Variants in PLEKHS1 observed in about 807,000 individuals in gnomAD.
The protein encoded by PLEKHS1 is pleckstrin homology domain containing S1.
Under a neutral mutation model 51.0 loss-of-function variants are expected in PLEKHS1, and 55 were observed. That is an observed-to-expected ratio of 1.08 (90% CI 0.87 to 1.35). PLEKHS1 has a LOEUF of 1.35. Ranked by LOEUF, PLEKHS1 falls within the 40% of genes most tolerant of loss-of-function variation. The probability of loss-of-function intolerance (pLI) is 0.00; values close to 1 mark genes in which losing one functional copy is unlikely to be tolerated. For missense variants in PLEKHS1, 398 were observed against 423.0 expected (o/e 0.94, Z 0.52); for synonymous variants, 153 against 144.8 (o/e 1.06, Z -0.41).
intron 2 of PLEKHS1, among the ~76,000 whole-genome samples, chr10:113,760,319 A>G (rs1843861835): frequency 6.6e-6 from 1 of 152,198 alleles, no homozygotes; most frequent in Non-Finnish European, 1.5e-5. Context: ...GCTGCTATCA[A>G]CATTCATGAC....
chr10:113,780,630 C>A (rs754577830), exon 12 of PLEKHS1: 3 of 1,613,848 alleles, frequency 1.9e-6, no homozygotes, highest in Non-Finnish European at 2.5e-6. Context: ...GGCAGGATCC[C>A]AAATTCAGAG....
At chr10:113,775,090 C>T in intron 10 of PLEKHS1, 55 bp downstream of exon 10, 1 of 1,452,962 alleles carries the variant, frequency 6.9e-7, no homozygotes, top group Non-Finnish European at 9.4e-7. Flanking sequence ...CAGCCTCCCT[C>T]CCACTTTTTT....
rs148184240 is a variant in PLEKHS1 at position 113,774,931 on chromosome 10, A to G, written c.885A>G (p.Ser295=). 4.7e-3 allele frequency: 7,603 copies of G among 1,614,212 alleles called. 27 individuals are homozygous for G. The highest frequency in any genetic ancestry group is 4.6e-3 in the Non-Finnish European group (5,426 of 1,180,024). ...ACCTCCACCTGCAAGAACAAGGCTC[A>G]GGAATTGATTGGTGTCTTTCCCCTG... The change falls in exon 10 of 12, where the codon TCA becomes TCG. Residue 295 remains serine (S), a synonymous_variant. Coordinates refer to ENST00000361048, the Ensembl canonical transcript of PLEKHS1.
At chr10:113,773,605 C>T (rs376307810) in intron 8 of PLEKHS1, among the ~76,000 whole-genome samples, 23 of 152,198 alleles carry the variant, frequency 1.5e-4, no homozygotes, top group East Asian at 5.8e-4. Context: ...ACGAACATGG[C>T]GATGGAACAG....
At chr10:113,754,517 G>A (rs1262979432) in intron 1 of PLEKHS1, among the ~76,000 whole-genome samples, 2 of 152,142 alleles carry the variant, frequency 1.3e-5, no homozygotes, top group East Asian at 3.9e-4. Context: ...CTGTCGCCCA[G>A]GCTGGAGTGC....
chr10:113,769,837 T>C (rs766537057), exon 7 of PLEKHS1: 2 of 1,614,090 alleles, frequency 1.2e-6, no homozygotes, highest in Non-Finnish European at 1.7e-6. Flanking sequence ...GCCCTCTCCT[T>C]GGCCCTTCCA....
chr10:113,770,447 C>G (rs1404915007), intron 7 of PLEKHS1, among the ~76,000 whole-genome samples: 1 of 152,184 alleles, frequency 6.6e-6, no homozygotes, highest in Non-Finnish European at 1.5e-5. Flanking sequence ...GGACCTTCAG[C>G]TTTCTTGGAT....
At chr10:113,758,454 C>G (rs1479671955) in intron 2 of PLEKHS1, among the ~76,000 whole-genome samples, 1 of 151,974 alleles carries the variant, frequency 6.6e-6, no homozygotes, top group Non-Finnish European at 1.5e-5. Flanking sequence ...AGTAGCAGGT[C>G]TCTGCAGTGG....
downstream of PLEKHS1, chr10:113,782,682 C>T (rs967670183): frequency 6.6e-6 from 1 of 152,658 alleles, no homozygotes; most frequent in Non-Finnish European, 1.5e-5. Flanking sequence ...GATGCCTGCT[C>T]TGTCTGCCAC....
chr10:113,774,908 C>T (rs1844577613), exon 10 of PLEKHS1: 2 of 1,614,056 alleles, frequency 1.2e-6, no homozygotes, highest in Non-Finnish European at 1.7e-6. Context: ...GGATGGGGAC[C>T]TCCACCTGCA....
intron 8 of PLEKHS1, 53 bp from the exon 9 acceptor site, chr10:113,774,174 T>C (rs1844542884): frequency 9.3e-7 from 1 of 1,074,482 alleles, no homozygotes; most frequent in Non-Finnish European, 1.4e-6. Context: ...AATAAGAAGG[T>C]ACCTGACTTA....
chr10:113,759,757 G>A (rs900039679), intron 2 of PLEKHS1, among the ~76,000 whole-genome samples: 9 of 152,044 alleles, frequency 5.9e-5, no homozygotes, highest in African/African-American at 1.9e-4. Flanking sequence ...ATTAATTTTT[G>A]TAAAATCATA....
chr10:113,774,371 C>T (rs1181196244), intron 9 of PLEKHS1, 38 bp downstream of exon 9: 2 of 1,185,406 alleles, frequency 1.7e-6, no homozygotes, highest in African/African-American at 1.6e-5. Flanking sequence ...GATGTTTGCT[C>T]ATCTGCTGTT....
chr10:113,781,914 A>C (rs1235373246), exon 12 of PLEKHS1: 1 of 152,292 alleles, frequency 6.6e-6, no homozygotes, highest in African/African-American at 2.4e-5. Flanking sequence ...TGTTCTCTTA[A>C]AGACTCAGCA....
chr10:113,762,365 C>CTTTTTTTTTTTTTTTTTT (rs34457408), intron 2 of PLEKHS1, among the ~76,000 whole-genome samples: 3 of 61,782 alleles, frequency 4.9e-5, no homozygotes, highest in Admixed American at 2.4e-4. Flanking sequence ...AGATTTGTTC[C>CTTTTTTTTTTTTTTTTTT]TTTTTTTTTT....
intron 2 of PLEKHS1, among the ~76,000 whole-genome samples, chr10:113,761,372 T>C (rs957382700): frequency 5.9e-5 from 9 of 152,186 alleles, no homozygotes. Context: ...TTGCTTTAGG[T>C]AGTATTTATA....
rs377598961 is a variant in PLEKHS1, at chr10:113,777,267, G to T, written c.1091+1401G>T. On this transcript the variant is annotated intron_variant, in intron 11 of 11. Transcript: ENST00000361048. ...CGGTCCATCCAGAAGGAGGTGAGTC[G>T]TACTGACCAGCCCTGAACAGGGCAA... is the stretch of plus-strand genomic sequence containing the variant. 1.2e-6 allele frequency: 2 copies of T among 1,612,696 alleles called. No homozygotes were observed. Among genetic ancestry groups the T allele is most frequent in the East Asian group, 2.2e-5 (1 of 44,878 alleles).
At chr10:113,777,574 GT>G (rs1286386391) in intron 11 of PLEKHS1, 5 of 1,550,612 alleles carry the variant, frequency 3.2e-6, no homozygotes. Flanking sequence ...CAACCAATTT[GT>G]GCCTCAGTTT....
At chr10:113,755,550 A>T in intron 2 of PLEKHS1, 1 of 583,284 alleles carries the variant, frequency 1.7e-6, no homozygotes, top group East Asian at 4.7e-5. Context: ...CACTACAGGC[A>T]TATGCCACCA....
Sources: allele counts gnomAD v4.1 joint callset (sites outside exome capture counted in the v4.1 genomes callset), GRCh38; gene constraint gnomAD v4.1.1; transcripts MANE v1.5; gene names NCBI Gene and HGNC (gene_info 2026-07-23, HGNC 2026-07-21).